The following RYR3 variants were observed in gnomAD, a reference collection of about 807,000 sequenced individuals.
RYR3 encodes ryanodine receptor 3.
RYR3 carries 207 observed loss-of-function variants against 584.3 expected under a neutral mutation model. The observed-to-expected ratio is 0.35, with a 90% CI of 0.32 to 0.40. The LOEUF (loss-of-function observed/expected upper bound fraction) is 0.40. Among genes scored for constraint, RYR3 ranks in the 10% least tolerant of loss-of-function variants. The pLI is 1.00. For missense variants in RYR3, 5,616 were observed against 6,089.2 expected (o/e 0.92, Z 2.59); for synonymous variants, 2,416 against 2,248.5 (o/e 1.07, Z -2.11).
At chr15:33,479,975 A>G (rs1182654966) in intron 2 of RYR3, among the ~76,000 whole-genome samples, 1 of 152,218 alleles carries the variant, frequency 6.6e-6, no homozygotes, top group African/African-American at 2.4e-5. Flanking sequence ...TGAGAATATC[A>G]TGTATTTTCT....
chr15:33,618,151 TG>T (rs1177424366), intron 19 of RYR3, among the ~76,000 whole-genome samples: 1 of 151,434 alleles, frequency 6.6e-6, no homozygotes, highest in African/African-American at 2.4e-5. Context: ...TAGTGAAATT[TG>T]GGTGCTAATT....
At chr15:33,784,714 A>G (rs1026013454) in intron 65 of RYR3, among the ~76,000 whole-genome samples, 1 of 152,190 alleles carries the variant, frequency 6.6e-6, no homozygotes, top group African/African-American at 2.4e-5. Context: ...GCTCTTACTC[A>G]GAATTGTCCA....
intron 45 of RYR3, among the ~76,000 whole-genome samples, chr15:33,724,484 A>T (rs933499460): frequency 6.6e-6 from 1 of 152,152 alleles, no homozygotes; most frequent in Non-Finnish European, 1.5e-5. Flanking sequence ...AATGGGAGCA[A>T]CTTGATTCTG....
rs567563090 is a variant in RYR3 at position 33,333,893 on chromosome 15, C to T, written c.51+22797C>T. Among the ~76,000 whole-genome samples, 9 of 152,288 alleles carry T rather than the reference C, an allele frequency of 5.9e-5. No individual in the cohort carries two copies. The East Asian group carries it at 1.7e-3, about 29-fold the overall frequency. ...TGCAAAAATTGCTAATATTCTTCTA[C>T]ACTAACAACAGTCTAGCCAAGAGCC... is the stretch of plus-strand genomic sequence containing the variant. On this transcript the variant is annotated intron_variant, in intron 1 of 103. Transcript: ENST00000634891.
chr15:33,701,997 G>A (rs2066339272), intron 42 of RYR3, among the ~76,000 whole-genome samples: 2 of 152,174 alleles, frequency 1.3e-5, no homozygotes, highest in African/African-American at 2.4e-5. Flanking sequence ...AGAAATTCAT[G>A]CTCATACACT....
chr15:33,509,214 G>C (rs1181508070), intron 3 of RYR3, among the ~76,000 whole-genome samples: 1 of 152,204 alleles, frequency 6.6e-6, no homozygotes, highest in Non-Finnish European at 1.5e-5. Flanking sequence ...GGAATTATTA[G>C]AAGCCCCTTG....
At chr15:33,790,419 T>G (rs1171177242) in intron 67 of RYR3, among the ~76,000 whole-genome samples, 3 of 152,152 alleles carry the variant, frequency 2.0e-5, no homozygotes, top group Non-Finnish European at 2.9e-5. Flanking sequence ...GTAGAGCCCT[T>G]GGAATTTCCA....
chr15:33,797,205 A>G (rs1444033421), intron 67 of RYR3, among the ~76,000 whole-genome samples: 1 of 152,116 alleles, frequency 6.6e-6, no homozygotes, highest in Non-Finnish European at 1.5e-5. Flanking sequence ...TCTCATGGTT[A>G]CCTCTAAACC....
chr15:33,566,629 ATG>A, intron 11 of RYR3, 47 bp from the exon 12 acceptor site: 1 of 1,603,540 alleles, frequency 6.2e-7, no homozygotes, highest in Non-Finnish European at 8.5e-7. Flanking sequence ...GACTGCCCAT[ATG>A]TGGAATAATT....
At chr15:33,432,885 T>C (rs564644925) in intron 1 of RYR3, among the ~76,000 whole-genome samples, 1 of 152,266 alleles carries the variant, frequency 6.6e-6, no homozygotes, top group South Asian at 2.1e-4. Flanking sequence ...GTCTGGCTTA[T>C]ATGAAGTCAG....
At chr15:33,498,126 G>A (rs1444355034) in intron 2 of RYR3, among the ~76,000 whole-genome samples, 2 of 152,134 alleles carry the variant, frequency 1.3e-5, no homozygotes, top group Non-Finnish European at 2.9e-5. Context: ...GATGAACACA[G>A]ATTGATTCCA....
chr15:33,526,380 T>A (rs1227902221), intron 3 of RYR3, among the ~76,000 whole-genome samples: 1 of 152,192 alleles, frequency 6.6e-6, no homozygotes, highest in Admixed American at 6.5e-5. Flanking sequence ...ATATTTTCCT[T>A]CTGCCAGTGG....
intron 16 of RYR3, among the ~76,000 whole-genome samples, chr15:33,590,255 T>TG (rs1237317408): frequency 1.3e-5 from 2 of 152,208 alleles, no homozygotes; most frequent in Non-Finnish European, 2.9e-5. Context: ...ATTCTTCACT[T>TG]GCTTCAGGCC....
Position 33,390,361 on chromosome 15 carries a change from A to G in RYR3, c.51+79265A>G, listed in dbSNP as rs1370626190. Among the ~76,000 whole-genome samples the G allele has an allele frequency of 6.6e-6, 1 of 152,228 alleles. No homozygotes were observed. Among genetic ancestry groups the G allele is most frequent in the Non-Finnish European group, 1.5e-5 (1 of 68,048 alleles). On this transcript the variant is annotated intron_variant, in intron 1 of 103. Coordinates refer to ENST00000634891, the MANE Select transcript of RYR3 (RefSeq NM_001036.6). The surrounding 1 kb of genome is among the most constrained non-coding windows in gnomAD (Gnocchi z 4.2). ...GGGGTCTCTAAATTTCACCTGACCTATTGAACACTAATATTTCCAAACACT... is the reference window on the plus strand; with the variant it reads ...GGGGTCTCTAAATTTCACCTGACCTGTTGAACACTAATATTTCCAAACACT...
At chr15:33,375,767 G>C (rs147634326) in intron 1 of RYR3, among the ~76,000 whole-genome samples, 647 of 152,272 alleles carry the variant, frequency 4.2e-3, no homozygotes, top group Non-Finnish European at 7.6e-3. Context: ...ATGAAATTAA[G>C]ATATAGAACA....
chr15:33,442,945 A>G (rs761809209), intron 1 of RYR3, among the ~76,000 whole-genome samples: 6 of 152,180 alleles, frequency 3.9e-5, no homozygotes, highest in Admixed American at 6.5e-5. Flanking sequence ...AGAAGGTAGG[A>G]GAAAGAAGGG....
intron 43 of RYR3, among the ~76,000 whole-genome samples, chr15:33,713,708 C>G (rs1464402053): frequency 6.6e-6 from 1 of 152,176 alleles, no homozygotes; most frequent in African/African-American, 2.4e-5. Context: ...GTAAATTTAT[C>G]TCTTACACTT....
chr15:33,618,014 C>T (rs1484291463), intron 19 of RYR3, among the ~76,000 whole-genome samples: 2 of 152,066 alleles, frequency 1.3e-5, no homozygotes, highest in East Asian at 1.9e-4. Context: ...GGTATATGTA[C>T]CTTGTAGCCC....
At chr15:33,383,105 G>T (rs1194383623) in intron 1 of RYR3, among the ~76,000 whole-genome samples, 2 of 152,036 alleles carry the variant, frequency 1.3e-5, no homozygotes, top group South Asian at 4.2e-4. Context: ...TGGAGGCAGG[G>T]AGACTAGGTG....
Sources: gnomAD v4.1 joint callset for allele counts (sites outside exome capture counted in the v4.1 genomes callset) on GRCh38, gnomAD v4.1.1 for gene constraint, Gnocchi (gnomAD v3.1) non-coding constraint, MANE v1.5 for transcripts, NCBI Gene and HGNC (gene_info 2026-07-23, HGNC 2026-07-21) for gene names.